ATP2A2: variants seen among roughly 807,000 people sequenced by gnomAD.
The protein encoded by ATP2A2 is ATPase sarcoplasmic/endoplasmic reticulum Ca2+ transporting 2.
ATP2A2 carries 14 observed loss-of-function variants against 109.3 expected under a neutral mutation model. The ratio of observed to expected loss-of-function variants is 0.13; its 90% confidence interval spans 0.08 to 0.20. ATP2A2 has a LOEUF of 0.20. ATP2A2 is among the 10% of genes least tolerant of loss of function. The pLI, the probability that ATP2A2 is intolerant of heterozygous loss-of-function variation, is 1.00. For synonymous variants in ATP2A2, 506 were observed against 490.9 expected, an observed-to-expected ratio of 1.03 and a Z score of -0.41; for missense variants, 657 against 1,321.6, an observed-to-expected ratio of 0.50 and a Z score of 7.80.
Position 110,326,469 on chromosome 12 carries a change from G to T in ATP2A2, c.624G>T (p.Leu208=), listed in dbSNP as rs745604029. 6.2e-6 allele frequency: 10 copies of T among 1,610,836 alleles called. No homozygotes were observed. Among genetic ancestry groups the T allele is most frequent in the Non-Finnish European group, 8.5e-6 (10 of 1,177,446 alleles). ...TCAACCAAGATAAAAAGAACATGCT[G>T]TTTTCTGTAAGTACTTTATGAAATG... ...RAVNQDKKNM[L]FSGTNIAAGK... The change falls in exon 7 of 20, where the codon CTG becomes CTT. Residue 208 remains leucine, a synonymous_variant. Transcript: ENST00000539276.
intron 5 of ATP2A2, among the ~76,000 whole-genome samples, chr12:110,297,955 T>TA (rs1874146264): frequency 6.6e-6 from 1 of 152,100 alleles, no homozygotes; most frequent in African/African-American, 2.4e-5. Flanking sequence ...CCAACCAGGA[T>TA]AGTCTAGGTG....
intron 5 of ATP2A2, among the ~76,000 whole-genome samples, chr12:110,297,863 C>T (rs1187642007): frequency 6.6e-6 from 1 of 152,054 alleles, no homozygotes; most frequent in Non-Finnish European, 1.5e-5. Flanking sequence ...AGTGATCCTG[C>T]CTTAGCGTCC....
chr12:110,339,647 C>T lies in ATP2A2; in HGVS notation c.1687C>T (p.Leu563=). The T allele has an allele frequency of 2.5e-6, 4 of 1,614,162 alleles. No individual in the cohort carries two copies. Among genetic ancestry groups the T allele is most frequent in the Non-Finnish European group, 3.4e-6 (4 of 1,180,030 alleles). Residue 563 remains leucine (L), a synonymous_variant, in exon 13 of 20, where the codon CTG becomes TTG. Coordinates refer to ENST00000539276, the MANE Select transcript of ATP2A2 (RefSeq NM_170665.4). This position sits in a 1 kb window ranked among gnomAD's most constrained non-coding sequence, Gnocchi z 4.4. ...CAGCGACACACTGCGATGCCTGGCC[C>T]TGGCCACTCATGACAACCCACTGAG... ...SGSDTLRCLA[L]ATHDNPLRRE...
rs67023919 is a variant in ATP2A2 at position 110,311,595 on chromosome 12, C to CAAAAAAAAA, written c.464-11378_464-11370dup. On this transcript the variant is annotated intron_variant, in intron 5 of 19. Transcript: ENST00000539276. ...TGGGGGACAGAGCGAGACTCCATCT[C>CAAAAAAAAA]AAAAAAAAAAAAAAAAAAAAAAAAA... 7.9e-5 allele frequency among the ~76,000 whole-genome samples: 2 copies of CAAAAAAAAA among 25,224 alleles called. 1 individual carries two copies. The highest frequency in any genetic ancestry group is 1.3e-4 in the Non-Finnish European group (2 of 15,026). 16.5% of individuals were successfully genotyped at this position (25,224 alleles called of 152,430 possible). A position where few individuals can be genotyped will look rare whatever the true frequency, so the allele number is the denominator to read the frequency against.
At chr12:110,333,722 G>A (rs1221786724) in intron 10 of ATP2A2, among the ~76,000 whole-genome samples, 1 of 152,200 alleles carries the variant, frequency 6.6e-6, no homozygotes, top group Non-Finnish European at 1.5e-5. Context: ...TGAATTAATA[G>A]TGTGATCAGT....
rs771563404 is a variant in ATP2A2, at chr12:110,348,396, C to A, written c.*1926C>A. 2.0e-6 allele frequency: 2 copies of A among 985,412 alleles called. No individual in the cohort carries two copies. Among genetic ancestry groups the A allele is most frequent in the Non-Finnish European group, 2.4e-6 (2 of 830,018 alleles). 61.0% of individuals were successfully genotyped at this position (985,412 alleles called of 1,614,324 possible). Reference sequence around the variant, plus strand: ...TTACTCCTTAGCCAGGGTGTGAGGCCTCGACTATATTCTTCAAAATGTACT... The same window carrying A: ...TTACTCCTTAGCCAGGGTGTGAGGCATCGACTATATTCTTCAAAATGTACT... On this transcript the variant is annotated 3_prime_UTR_variant, in exon 20 of 20. Coordinates refer to ENST00000539276, the MANE Select transcript of ATP2A2 (RefSeq NM_170665.4).
At chr12:110,303,761 A>G (rs1047980080) in intron 5 of ATP2A2, among the ~76,000 whole-genome samples, 6 of 151,506 alleles carry the variant, frequency 4.0e-5, no homozygotes, top group Admixed American at 1.3e-4. Flanking sequence ...GAGTTTGGCC[A>G]TGTTGGCCCG....
At position 110,347,017 on chromosome 12, in the gene ATP2A2, TCACCC is replaced by T. The variant is rs1032201596; in HGVS notation, c.*562_*566del. On this transcript the variant is annotated 3_prime_UTR_variant, in exon 20 of 20. Coordinates refer to ENST00000539276, the MANE Select transcript of ATP2A2 (RefSeq NM_170665.4). ...TTCCCTCACCCACTTTGGCCTCCGT[TCACCC>T]CACCCCACCCCACCTCTCCCCACCT... The T allele has an allele frequency of 5.4e-5, 59 of 1,097,610 alleles. No individual in the cohort carries two copies. The highest frequency in any genetic ancestry group is 2.2e-4 in the East Asian group (3 of 13,472). The allele number at this position is 1,097,610 out of a possible 1,614,324, so 68.0% of individuals were successfully genotyped here.
rs181534821 is a variant in ATP2A2, at chr12:110,295,039, G to C, written c.325-1560G>C. ...TCACCATGTTGGCCAGGCTGGTCTC[G>C]CACTCCCAACCTCAGGCGATCCGCC... On this transcript the variant is annotated intron_variant, in intron 4 of 19. Coordinates refer to ENST00000539276, the MANE Select transcript of ATP2A2 (RefSeq NM_170665.4). Among the ~76,000 whole-genome samples, 53 of 152,092 alleles carry C rather than the reference G, an allele frequency of 3.5e-4. 1 individual carries two copies. The East Asian group carries it at 9.9e-3, about 28-fold the overall frequency.
Position 110,339,615 on chromosome 12 carries a change from G to C in ATP2A2, c.1655G>C (p.Gly552Ala), listed in dbSNP as rs1236780292. Residue 552 changes from glycine to alanine, a missense_variant, in exon 13 of 20, where the codon GGT becomes GCT. Physicochemically the swap from Gly to Ala is moderately conservative, Grantham distance 60. Around this residue, in one of 9 missense-constraint regions of ATP2A2, gnomAD observed 180 missense variants for 329.1 expected, o/e 0.55. Coordinates refer to ENST00000539276, the MANE Select transcript of ATP2A2 (RefSeq NM_170665.4). This position sits in a 1 kb window ranked among gnomAD's most constrained non-coding sequence, Gnocchi z 4.4. ...QKIMSVIREW[G>A]SGSDTLRCLA... Reference sequence around the variant, plus strand: ...ATCATGTCTGTCATTCGAGAGTGGGGTAGTGGCAGCGACACACTGCGATGC... The same window carrying C: ...ATCATGTCTGTCATTCGAGAGTGGGCTAGTGGCAGCGACACACTGCGATGC... The C allele has an allele frequency of 6.2e-7, 1 of 1,614,082 alleles. No individual in the cohort carries two copies. The highest frequency in any genetic ancestry group is 8.5e-7 in the Non-Finnish European group (1 of 1,180,056).
intron 14 of ATP2A2, among the ~76,000 whole-genome samples, chr12:110,341,611 T>C (rs545863511): frequency 1.3e-5 from 2 of 152,310 alleles, no homozygotes; most frequent in South Asian, 4.1e-4. Flanking sequence ...CAGTGGCTCA[T>C]GCCTGTAACC....
At chr12:110,315,816 C>T (rs1876602549) in intron 5 of ATP2A2, among the ~76,000 whole-genome samples, 1 of 152,220 alleles carries the variant, frequency 6.6e-6, no homozygotes, top group Non-Finnish European at 1.5e-5. Flanking sequence ...CGGCACACGC[C>T]TGTAGTCCCA....
At chr12:110,326,722 A>G (rs948303446) in intron 7 of ATP2A2, among the ~76,000 whole-genome samples, 1 of 152,234 alleles carries the variant, frequency 6.6e-6, no homozygotes, top group Non-Finnish European at 1.5e-5. Context: ...ACCTGCAAAC[A>G]TAGTTGAAAA....
intron 11 of ATP2A2, among the ~76,000 whole-genome samples, chr12:110,336,568 A>C (rs1313066460): frequency 1.3e-5 from 2 of 152,068 alleles, no homozygotes; most frequent in Non-Finnish European, 2.9e-5. Flanking sequence ...AAAGTTCTAG[A>C]CCATCATGTC....
Position 110,342,172 on chromosome 12 carries a change from A to G in ATP2A2, c.2098-56A>G, listed in dbSNP as rs1879418848. 2 of 1,589,094 alleles carry G rather than the reference A, an allele frequency of 1.3e-6. No individual in the cohort carries two copies. Among genetic ancestry groups the G allele is most frequent in the Admixed American group, 1.7e-5 (1 of 59,956 alleles). ...CTTCCCATTCAGTGGGCTTTTGCCTAGGGGTATGAATGTGGCATGCCAGTT... is the reference window on the plus strand; with the variant it reads ...CTTCCCATTCAGTGGGCTTTTGCCTGGGGGTATGAATGTGGCATGCCAGTT... On this transcript the variant is annotated intron_variant, in intron 14 of 19. Transcript: ENST00000539276. The surrounding 1 kb of genome is among the most constrained non-coding windows in gnomAD (Gnocchi z 4.6).
intron 5 of ATP2A2, among the ~76,000 whole-genome samples, chr12:110,298,601 C>T (rs533835653): frequency 1.3e-5 from 2 of 152,260 alleles, no homozygotes; most frequent in Admixed American, 1.3e-4. Flanking sequence ...ACCTGTAGTC[C>T]GAGCTCCTCG....
At chr12:110,297,272 TA>T (rs1395523575) in intron 5 of ATP2A2, among the ~76,000 whole-genome samples, 1 of 151,798 alleles carries the variant, frequency 6.6e-6, no homozygotes, top group African/African-American at 2.4e-5. Flanking sequence ...TCATCTCTAC[TA>T]AAAATGCAAA....
chr12:110,287,864 C>T (rs2137689098), intron 3 of ATP2A2, among the ~76,000 whole-genome samples: 1 of 152,248 alleles, frequency 6.6e-6, no homozygotes, highest in Middle Eastern at 3.4e-3. Flanking sequence ...GATCCGCCTG[C>T]CTCAGCTTCC....
At chr12:110,324,731 C>T (rs987263446) in intron 6 of ATP2A2, among the ~76,000 whole-genome samples, 1 of 151,614 alleles carries the variant, frequency 6.6e-6, no homozygotes, top group African/African-American at 2.4e-5. Flanking sequence ...GTCACGGTGG[C>T]TCATGCCTGT....
Sources: allele counts gnomAD v4.1 joint callset (sites outside exome capture counted in the v4.1 genomes callset), GRCh38; gene constraint gnomAD v4.1.1; regional missense constraint gnomAD v4.1.1; non-coding constraint Gnocchi (gnomAD v3.1); transcripts MANE v1.5; gene names NCBI Gene and HGNC (gene_info 2026-07-23, HGNC 2026-07-21).